Variants in PCDH11X observed in about 807,000 individuals in gnomAD.
PCDH11X encodes protocadherin-11 X-linked.
PCDH11X carries 18 observed loss-of-function variants against 53.3 expected under a neutral mutation model. That is an observed-to-expected ratio of 0.34 (90% CI 0.23 to 0.50). The LOEUF (loss-of-function observed/expected upper bound fraction) is 0.50, where lower values mean the gene tolerates loss of function less well. Ranked by LOEUF, PCDH11X falls within the 20% of genes least tolerant of loss-of-function variation. The pLI is 0.98. For missense variants in PCDH11X, 570 were observed against 1,032.4 expected (o/e 0.55, Z 6.14); for synonymous variants, 279 against 393.3 (o/e 0.71, Z 3.44).
At position 92,344,071 on chromosome X, in the gene PCDH11X, A is replaced by C. The variant is rs1452308225; in HGVS notation, c.3145-43664A>C. 2.8e-5 allele frequency among the ~76,000 whole-genome samples: 3 copies of C among 108,686 alleles called. No homozygotes were observed. The Admixed American group carries it at 3.0e-4, about 11-fold the overall frequency. 94.4% of individuals were successfully genotyped at this position (108,686 alleles called of 115,157 possible). A position where few individuals can be genotyped will look rare whatever the true frequency, so the allele number is the denominator to read the frequency against. On this transcript the variant is annotated intron_variant, in intron 8 of 10. Coordinates refer to ENST00000682573, the MANE Select transcript of PCDH11X (RefSeq NM_032968.5). Reference sequence around the variant, plus strand: ...TAGATGAATAATTTGTGATTTACAGACTATGAAGCTAATGAATGATGATGT... The same window carrying C: ...TAGATGAATAATTTGTGATTTACAGCCTATGAAGCTAATGAATGATGATGT...
In PCDH11X at chrX:92,006,060, T is replaced by C. The variant is rs767535525; in HGVS notation, c.3033+126787T>C. 8.3e-4 allele frequency among the ~76,000 whole-genome samples: 92 copies of C among 111,283 alleles called. 1 individual carries two copies. Among genetic ancestry groups the C allele is most frequent in the African/African-American group, 2.9e-3 (90 of 30,634 alleles). ...TCTTAACTGTTAACCTTTGAGAGTA[T>C]GATTATTAAATGGCTTGAGGTAACC... On this transcript the variant is annotated intron_variant, in intron 6 of 10. Transcript: ENST00000682573.
At chrX:92,535,838 A>C (rs891287111) in intron 10 of PCDH11X, among the ~76,000 whole-genome samples, 3 of 111,008 alleles carry the variant, frequency 2.7e-5, no homozygotes, top group African/African-American at 9.8e-5. Flanking sequence ...AATCTTCTTA[A>C]GTCTTTCCTA....
At chrX:91,939,078 A>G (rs1313067506) in intron 6 of PCDH11X, among the ~76,000 whole-genome samples, 1 of 111,021 alleles carries the variant, frequency 9.0e-6, no homozygotes, top group African/African-American at 3.3e-5. Context: ...GGATTAGCAT[A>G]TAATAGCATC....
At chrX:92,545,325 A>G (rs1451190539) in intron 10 of PCDH11X, among the ~76,000 whole-genome samples, 4 of 108,332 alleles carry the variant, frequency 3.7e-5, no homozygotes, top group African/African-American at 1.3e-4. Flanking sequence ...CATGTAGTCT[A>G]TCAAATAAGG....
At chrX:92,254,864 G>T (rs941439060) in intron 7 of PCDH11X, among the ~76,000 whole-genome samples, 4 of 107,825 alleles carry the variant, frequency 3.7e-5, no homozygotes, top group Non-Finnish European at 7.6e-5. Context: ...CTCTCTGGCT[G>T]CCCTTAACAT....
chrX:92,105,640 C>T (rs1457548186), intron 6 of PCDH11X, among the ~76,000 whole-genome samples: 4 of 98,400 alleles, frequency 4.1e-5, no homozygotes, highest in African/African-American at 1.5e-4. Flanking sequence ...GAGTGGGGGT[C>T]GCAAGGTGCT....
At chrX:91,998,102 T>C (rs1004061188) in intron 6 of PCDH11X, among the ~76,000 whole-genome samples, 4 of 110,436 alleles carry the variant, frequency 3.6e-5, no homozygotes, top group African/African-American at 9.9e-5. Context: ...CCCTGCTAAT[T>C]TGTGTATTTT....
chrX:92,300,277 T>A (rs997754017), intron 8 of PCDH11X, among the ~76,000 whole-genome samples: 34 of 111,516 alleles, frequency 3.0e-4, no homozygotes, highest in African/African-American at 1.0e-3. Context: ...ACCTACTATG[T>A]ACCTACAAAA....
chrX:91,908,006 A>G (rs1329558806), intron 6 of PCDH11X, among the ~76,000 whole-genome samples: 3 of 111,741 alleles, frequency 2.7e-5, no homozygotes, highest in South Asian at 3.7e-4. Flanking sequence ...GTATACATGT[A>G]CCACATTTTC....
In PCDH11X at chrX:92,223,131, G is replaced by A. The variant is rs138182784; in HGVS notation, c.3114+21676G>A. On this transcript the variant is annotated intron_variant, in intron 7 of 10. Coordinates refer to ENST00000682573, the MANE Select transcript of PCDH11X (RefSeq NM_032968.5). ...CTCTGTAGTTGCTGGGATTACAGGC[G>A]TGAGCCACACACATGCCTAATTTTT... is the stretch of plus-strand genomic sequence containing the variant. Among the ~76,000 whole-genome samples, 242 of 112,247 alleles carry A rather than the reference G, an allele frequency of 2.2e-3. 3 individuals are homozygous for A. The highest frequency in any genetic ancestry group is 7.4e-3 in the African/African-American group (230 of 30,966).
At chrX:92,344,783 A>G (rs1050190834) in intron 8 of PCDH11X, among the ~76,000 whole-genome samples, 2 of 108,612 alleles carry the variant, frequency 1.8e-5, no homozygotes, top group Non-Finnish European at 3.8e-5. Context: ...TGAATAAGAA[A>G]TAAAGAAAAG....
chrX:92,492,872 A>G (rs2073791110), intron 10 of PCDH11X, among the ~76,000 whole-genome samples: 1 of 110,364 alleles, frequency 9.1e-6, no homozygotes, highest in Non-Finnish European at 1.9e-5. Context: ...CTCTTCTTTC[A>G]TTTTCCAACA....
chrX:92,546,727 T>A (rs955253712), intron 10 of PCDH11X, among the ~76,000 whole-genome samples: 10 of 111,348 alleles, frequency 9.0e-5, no homozygotes, highest in Admixed American at 5.7e-4. Context: ...ATTTTGTGTT[T>A]CCTTGCAGTA....
intron 6 of PCDH11X, among the ~76,000 whole-genome samples, chrX:91,910,727 T>A (rs1472567963): frequency 9.0e-6 from 1 of 111,646 alleles, no homozygotes; most frequent in Non-Finnish European, 1.9e-5. Context: ...CCAACATGAT[T>A]GTCTAGTTGG....
Position 91,845,079 on chromosome X carries a change from A to G in PCDH11X, c.540+9035A>G, listed in dbSNP as rs1478686299. On this transcript the variant is annotated intron_variant, in intron 5 of 10. Transcript: ENST00000682573. ...AGTGCTTTATTTAAGTCACTGAATG[A>G]TTATATGGATGAATTTTAGATTGCG... 3.6e-5 allele frequency among the ~76,000 whole-genome samples: 4 copies of G among 111,793 alleles called. No homozygotes were observed. In the Admixed American group the frequency reaches 3.8e-4, roughly 11 times the overall value.
intron 6 of PCDH11X, among the ~76,000 whole-genome samples, chrX:92,114,873 C>T (rs1306467210): frequency 9.0e-6 from 1 of 110,512 alleles, no homozygotes; most frequent in Non-Finnish European, 1.9e-5. Flanking sequence ...GCTCTGTCGT[C>T]CAGGCTGGAG....
intron 6 of PCDH11X, among the ~76,000 whole-genome samples, chrX:91,897,882 A>G (rs996914216): frequency 8.9e-6 from 1 of 112,078 alleles, no homozygotes; most frequent in Non-Finnish European, 1.9e-5. Context: ...GATTAATTCA[A>G]GGAAAATTCC....
At chrX:91,929,371 T>C (rs1480962345) in intron 6 of PCDH11X, among the ~76,000 whole-genome samples, 2 of 110,530 alleles carry the variant, frequency 1.8e-5, no homozygotes, top group Admixed American at 9.7e-5. Flanking sequence ...TGCCAGGTAC[T>C]AGTCTGAGCC....
chrX:92,192,853 C>T (rs1187903745), intron 6 of PCDH11X, among the ~76,000 whole-genome samples: 1 of 111,232 alleles, frequency 9.0e-6, no homozygotes, highest in Admixed American at 9.6e-5. Flanking sequence ...ATTCTTCTGC[C>T]TCAGCCTCCC....
Sources: allele counts gnomAD v4.1 joint callset (sites outside exome capture counted in the v4.1 genomes callset), GRCh38; gene constraint gnomAD v4.1.1; transcripts MANE v1.5; gene names NCBI Gene and HGNC (gene_info 2026-07-23, HGNC 2026-07-21).